Variants in NOL4L observed in about 807,000 individuals in gnomAD.
NOL4L encodes nucleolar protein 4 like, also known as nucleolar protein 4-like.
NOL4L carries 7 observed loss-of-function variants against 64.5 expected under a neutral mutation model. The observed-to-expected ratio is 0.11, with a 90% CI of 0.06 to 0.20. The LOEUF (loss-of-function observed/expected upper bound fraction) is 0.20, where lower values mean the gene tolerates loss of function less well. Among genes scored for constraint, NOL4L ranks in the 10% least tolerant of loss-of-function variants. The probability of loss-of-function intolerance (pLI) is 1.00; values close to 1 mark genes in which losing one functional copy is unlikely to be tolerated. For synonymous variants in NOL4L, 413 were observed against 401.0 expected (o/e 1.03, Z -0.36); for missense variants, 680 against 967.1 (o/e 0.70, Z 3.94).
At chr20:32,508,591 C>A (rs1423090364) in intron 4 of NOL4L, among the ~76,000 whole-genome samples, 1 of 152,216 alleles carries the variant, frequency 6.6e-6, no homozygotes, top group Non-Finnish European at 1.5e-5. Flanking sequence ...CCATCTCCTG[C>A]CGCACTCAGA....
At chr20:32,556,633 C>T (rs538310936) in intron 1 of NOL4L, among the ~76,000 whole-genome samples, 18 of 152,380 alleles carry the variant, frequency 1.2e-4, no homozygotes, top group Non-Finnish European at 1.8e-4. Context: ...TCAACTCTGG[C>T]CTGGTCCCAT....
intron 1 of NOL4L, 37 bp downstream of exon 1, chr20:32,584,533 G>A (rs747112082): frequency 1.5e-6 from 1 of 656,704 alleles, no homozygotes. Context: ...CAAGCCCCGC[G>A]GCGGGACCCG....
In NOL4L at chr20:32,443,799, A is replaced by G. The variant is rs2012224519; in HGVS notation, c.*3797T>C. 1 of 152,218 alleles carries G rather than the reference A, an allele frequency of 6.6e-6. No individual in the cohort carries two copies. Among genetic ancestry groups the G allele is most frequent in the Non-Finnish European group, 1.5e-5 (1 of 68,072 alleles). The allele number at this position is 152,218 out of a possible 1,614,324, so 9.4% of individuals were successfully genotyped here. A position where few individuals can be genotyped will look rare whatever the true frequency, so the allele number is the denominator to read the frequency against. On this transcript the variant is annotated 3_prime_UTR_variant, in exon 11 of 11. Coordinates refer to ENST00000621426, the MANE Select transcript of NOL4L (RefSeq NM_001256798.2). Reference sequence around the variant, plus strand: ...CCCAGGGAAGAACTACATTCATCCCACAGCTCTGCAGCAAAGTCCTGCCTT... The same window carrying G: ...CCCAGGGAAGAACTACATTCATCCCGCAGCTCTGCAGCAAAGTCCTGCCTT...
At chr20:32,451,271 C>T (rs1431490787) in intron 10 of NOL4L, among the ~76,000 whole-genome samples, 1 of 152,218 alleles carries the variant, frequency 6.6e-6, no homozygotes, top group Non-Finnish European at 1.5e-5. Context: ...TCTGCCCATT[C>T]AAACCTTCTT....
At chr20:32,584,042 C>T (rs1447105043) in intron 1 of NOL4L, among the ~76,000 whole-genome samples, 2 of 147,136 alleles carry the variant, frequency 1.4e-5, no homozygotes, top group Admixed American at 6.7e-5. Context: ...GCCCCCTCCC[C>T]TGGCGCTGGG....
At chr20:32,554,148 G>A (rs1035449597) in intron 1 of NOL4L, among the ~76,000 whole-genome samples, 14 of 151,884 alleles carry the variant, frequency 9.2e-5, no homozygotes, top group African/African-American at 2.4e-4. Flanking sequence ...GTGAAACCCC[G>A]TCTCTACTAA....
chr20:32,489,188 A>G (rs1442110393), intron 4 of NOL4L, among the ~76,000 whole-genome samples: 1 of 150,668 alleles, frequency 6.6e-6, no homozygotes, highest in Non-Finnish European at 1.5e-5. Context: ...TTTCCACTCT[A>G]AGATTACAAA....
At chr20:32,468,955 T>C (rs1444755842) in intron 5 of NOL4L, among the ~76,000 whole-genome samples, 3 of 147,872 alleles carry the variant, frequency 2.0e-5, no homozygotes, top group Admixed American at 1.3e-4. Flanking sequence ...GGGACTTGAG[T>C]GTCCTTCCAC....
At chr20:32,490,985 T>C (rs1174786798) in intron 4 of NOL4L, among the ~76,000 whole-genome samples, 1 of 152,224 alleles carries the variant, frequency 6.6e-6, no homozygotes, top group African/African-American at 2.4e-5. Context: ...GTCACCCATG[T>C]GCGACCCCTC....
At chr20:32,484,975 G>A (rs2015993461) in intron 4 of NOL4L, among the ~76,000 whole-genome samples, 1 of 137,450 alleles carries the variant, frequency 7.3e-6, no homozygotes, top group African/African-American at 2.8e-5. Context: ...CAGACCCTCC[G>A]CTACCACAGA....
intron 1 of NOL4L, 94 bp from the exon 2 acceptor site, chr20:32,528,007 T>C: frequency 1.5e-6 from 1 of 657,570 alleles, no homozygotes; most frequent in East Asian, 7.3e-5. Flanking sequence ...GGACGGGCAA[T>C]GCCTCCGACA....
chr20:32,517,561 C>T (rs1332423215), intron 3 of NOL4L, among the ~76,000 whole-genome samples: 1 of 152,262 alleles, frequency 6.6e-6, no homozygotes, highest in African/African-American at 2.4e-5. Context: ...AGACTCAAAA[C>T]TCTCCACTGG....
chr20:32,550,688 T>G (rs927497271), intron 1 of NOL4L, among the ~76,000 whole-genome samples: 1 of 152,168 alleles, frequency 6.6e-6, no homozygotes, highest in Non-Finnish European at 1.5e-5. Context: ...GAGACCAGAC[T>G]GACCATCATG....
At chr20:32,550,945 A>G (rs2018793012) in intron 1 of NOL4L, among the ~76,000 whole-genome samples, 1 of 151,848 alleles carries the variant, frequency 6.6e-6, no homozygotes. Flanking sequence ...AATCCCAGCT[A>G]CTCGGGAGGC....
chr20:32,478,020 G>A (rs1010399840), intron 4 of NOL4L, among the ~76,000 whole-genome samples: 3 of 152,118 alleles, frequency 2.0e-5, no homozygotes, highest in Admixed American at 1.3e-4. Context: ...CTGCCCCTGC[G>A]AGGCCCGCCC....
chr20:32,504,794 T>C (rs895394198), intron 4 of NOL4L, among the ~76,000 whole-genome samples: 1 of 151,930 alleles, frequency 6.6e-6, no homozygotes, highest in African/African-American at 2.4e-5. Flanking sequence ...AGAAATGGAG[T>C]TTCCTCATGT....
At chr20:32,454,791 C>T (rs866760648) in intron 6 of NOL4L, among the ~76,000 whole-genome samples, 11 of 152,214 alleles carry the variant, frequency 7.2e-5, no homozygotes, top group South Asian at 2.1e-4. Flanking sequence ...GAACAGGTGG[C>T]GGTATGGTCA....
At chr20:32,510,201 A>T (rs2017334279) in intron 4 of NOL4L, 1 of 356,768 alleles carries the variant, frequency 2.8e-6, no homozygotes, top group Non-Finnish European at 5.5e-6. Flanking sequence ...AGATGAGAAG[A>T]CGTGGGAGAC....
Position 32,447,688 on chromosome 20 carries a change from C to T in NOL4L, c.1951G>A (p.Val651Met), listed in dbSNP as rs748349050. The T allele has an allele frequency of 3.2e-6, 5 of 1,557,806 alleles. No homozygotes were observed. The highest frequency in any genetic ancestry group is 2.4e-5 in the East Asian group (1 of 40,840). The change falls in exon 11 of 11, where the codon GTG (valine) becomes ATG (methionine). Residue 651 changes from valine to methionine, a missense_variant. Physicochemically the swap from Val to Met is conservative, Grantham distance 21 (BLOSUM62 1). Coordinates refer to ENST00000621426, the MANE Select transcript of NOL4L (RefSeq NM_001256798.2). Reference protein sequence around the residue: ...AQLSPTEISAVRQLIAGYRES... With the variant: ...AQLSPTEISAMRQLIAGYRES... ...CGGTAGCCCGCGATGAGCTGCCGCACGGCGCTGATCTCCGTGGGGCTGAGC... is the reference window on the plus strand; with the variant it reads ...CGGTAGCCCGCGATGAGCTGCCGCATGGCGCTGATCTCCGTGGGGCTGAGC...
Sources: gnomAD v4.1 joint callset for allele counts (sites outside exome capture counted in the v4.1 genomes callset) on GRCh38, gnomAD v4.1.1 for gene constraint, MANE v1.5 for transcripts, NCBI Gene and HGNC (gene_info 2026-07-23, HGNC 2026-07-21) for gene names.